Variants in LAMP3 observed in about 807,000 individuals in gnomAD.
LAMP3 encodes lysosome associated membrane protein 3.
Under a neutral mutation model 34.8 loss-of-function variants are expected in LAMP3, and 26 were observed. That is an observed-to-expected ratio of 0.75 (90% CI 0.55 to 1.04). The LOEUF (loss-of-function observed/expected upper bound fraction) is 1.04, where lower values mean the gene tolerates loss of function less well. Among genes scored for constraint, LAMP3 ranks in the 50% least tolerant of loss-of-function variants. LAMP3 has a pLI of 0.00. For synonymous variants in LAMP3, 180 were observed against 201.9 expected, an observed-to-expected ratio of 0.89 and a Z score of 0.92; for missense variants, 495 against 524.0, an observed-to-expected ratio of 0.94 and a Z score of 0.54.
At chr3:183,131,099 T>C (rs1207466381) in intron 5 of LAMP3, among the ~76,000 whole-genome samples, 1 of 152,210 alleles carries the variant, frequency 6.6e-6, no homozygotes, top group Non-Finnish European at 1.5e-5. Context: ...AAATTAATTC[T>C]AAAAATAATC....
chr3:183,123,232 A>G lies in LAMP3; in HGVS notation c.*849T>C, dbSNP rs1003177616. On this transcript the variant is annotated 3_prime_UTR_variant, in exon 6 of 6. Coordinates refer to ENST00000265598, the MANE Select transcript of LAMP3 (RefSeq NM_014398.4). ...GGTTTTACATAAAAACACTTAGACA[A>G]CCTGAGATATGTTGTTCTTTTTGAT... 16 of 152,100 alleles carry G rather than the reference A, an allele frequency of 1.1e-4. No individual in the cohort carries two copies. Among genetic ancestry groups the G allele is most frequent in the African/African-American group, 3.9e-4 (16 of 41,412 alleles). 9.4% of individuals were successfully genotyped at this position (152,100 alleles called of 1,614,324 possible). A position where few individuals can be genotyped will look rare whatever the true frequency, so the allele number is the denominator to read the frequency against.
intron 1 of LAMP3, among the ~76,000 whole-genome samples, chr3:183,155,523 T>C (rs1376909936): frequency 6.6e-6 from 1 of 152,234 alleles, no homozygotes; most frequent in African/African-American, 2.4e-5. Context: ...CCTCCTTATA[T>C]AAAATAGTTC....
At chr3:183,130,283 C>G (rs918524429) in intron 5 of LAMP3, among the ~76,000 whole-genome samples, 7 of 151,434 alleles carry the variant, frequency 4.6e-5, no homozygotes, top group Admixed American at 4.0e-4. Flanking sequence ...CTCAGCCTCC[C>G]GAGTAGCTGG....
In LAMP3 at chr3:183,144,317, C is replaced by G. The variant is rs939627612; in HGVS notation, c.889-3722G>C. Among the ~76,000 whole-genome samples, 37 of 152,196 alleles carry G rather than the reference C, an allele frequency of 2.4e-4. 1 individual carries two copies. Among genetic ancestry groups the G allele is most frequent in the African/African-American group, 8.4e-4 (35 of 41,510 alleles). ...GTCGGGGTGAGCACTAGAGAAGAGA[C>G]GTGAAGGAGCCATAGACTTTGCCTT... On this transcript the variant is annotated intron_variant, in intron 3 of 5. Transcript: ENST00000265598.
At chr3:183,146,181 T>G (rs181082103) in intron 3 of LAMP3, among the ~76,000 whole-genome samples, 1 of 152,338 alleles carries the variant, frequency 6.6e-6, no homozygotes, top group East Asian at 1.9e-4. Flanking sequence ...CATTTTGAGT[T>G]GTCAGACTGG....
intron 3 of LAMP3, among the ~76,000 whole-genome samples, chr3:183,147,252 A>C (rs201135745): frequency 9.0e-4 from 3 of 3,334 alleles, no homozygotes; most frequent in Non-Finnish European, 2.8e-3. Context: ...AAAAACAAAG[A>C]AAAAAAAAAT....
Position 183,138,964 on chromosome 3 carries a change from A to G in LAMP3, c.946+1574T>C, listed in dbSNP as rs996065921. Among the ~76,000 whole-genome samples, 48 of 152,102 alleles carry G rather than the reference A, an allele frequency of 3.2e-4. 1 individual carries two copies. The highest frequency in any genetic ancestry group is 6.8e-4 in the Non-Finnish European group (46 of 68,018). On this transcript the variant is annotated intron_variant, in intron 4 of 5. Transcript: ENST00000265598. ...CTTCCCTAGGCCCAGATACCCCCAA[A>G]GAGCTGAATCTCTCTGCTCAAACTT... is the stretch of plus-strand genomic sequence containing the variant.
At chr3:183,138,291 C>T (rs995763388) in intron 4 of LAMP3, among the ~76,000 whole-genome samples, 1 of 152,164 alleles carries the variant, frequency 6.6e-6, no homozygotes, top group Non-Finnish European at 1.5e-5. Flanking sequence ...GTCAACTATG[C>T]TATCTTACTT....
chr3:183,127,326 G>T lies in LAMP3; in HGVS notation c.1118-3112C>A, dbSNP rs138882154. Among the ~76,000 whole-genome samples, 866 of 152,214 alleles carry T rather than the reference G, an allele frequency of 5.7e-3. 7 individuals carry two copies. Among genetic ancestry groups the T allele is most frequent in the Non-Finnish European group, 8.1e-3 (550 of 68,002 alleles). On this transcript the variant is annotated intron_variant, in intron 5 of 5. Coordinates refer to ENST00000265598, the MANE Select transcript of LAMP3 (RefSeq NM_014398.4). Reference sequence around the variant, plus strand: ...TTTTTAACTTTTTTGAAGAGATGGGGTCCTTACTATGTTGCTCAGGCTGGT... The same window carrying T: ...TTTTTAACTTTTTTGAAGAGATGGGTTCCTTACTATGTTGCTCAGGCTGGT...
intron 3 of LAMP3, among the ~76,000 whole-genome samples, chr3:183,144,191 C>T (rs1412975453): frequency 6.6e-6 from 1 of 152,176 alleles, no homozygotes; most frequent in Non-Finnish European, 1.5e-5. Context: ...CTGTGATCTA[C>T]TTTTTGGCAC....
At chr3:183,156,076 T>A (rs73886251) in intron 1 of LAMP3, among the ~76,000 whole-genome samples, 11,332 of 152,154 alleles carry the variant, frequency 0.074, 620 homozygotes, top group African/African-American at 0.15. Context: ...ACACAGATGT[T>A]GGGCCGGGCG....
chr3:183,140,729 A>G, intron 3 of LAMP3, 134 bp from the exon 4 acceptor site: 1 of 556,600 alleles, frequency 1.8e-6, no homozygotes, highest in Non-Finnish European at 3.2e-6. Context: ...GTACTGGGTC[A>G]TAATTGTGTA....
chr3:183,138,072 C>T (rs1418608543), intron 4 of LAMP3, among the ~76,000 whole-genome samples: 1 of 152,104 alleles, frequency 6.6e-6, no homozygotes, highest in East Asian at 1.9e-4. Flanking sequence ...ATCTGCCCAC[C>T]TCAGCCTCCC....
rs1721016821 is a variant in LAMP3, at chr3:183,162,721, A to G, written c.-66T>C. 1 of 1,400,174 alleles carries G rather than the reference A, an allele frequency of 7.1e-7. No homozygotes were observed. Among genetic ancestry groups the G allele is most frequent in the Admixed American group, 2.7e-5 (1 of 37,692 alleles). The allele number at this position is 1,400,174 out of a possible 1,614,324, so 86.7% of individuals were successfully genotyped here. On this transcript the variant is annotated 5_prime_UTR_variant, in exon 1 of 6. Transcript: ENST00000265598. ...CGGGCAGGCCCCGAATCGGTGCCAG[A>G]GAAACCTACCTGTGCCGGAGAAACG...
intron 3 of LAMP3, among the ~76,000 whole-genome samples, chr3:183,147,251 G>GA (rs57044548): frequency 6.6e-6 from 1 of 151,064 alleles, no homozygotes; most frequent in Admixed American, 6.6e-5. Flanking sequence ...TAAAAACAAA[G>GA]AAAAAAAAAA....
intron 5 of LAMP3, among the ~76,000 whole-genome samples, chr3:183,129,393 T>G (rs1281594425): frequency 6.6e-6 from 1 of 152,190 alleles, no homozygotes; most frequent in East Asian, 1.9e-4. Flanking sequence ...TTGAGGTCTA[T>G]ACGTCAGAGG....
At chr3:183,126,345 A>C (rs1356192813) in intron 5 of LAMP3, among the ~76,000 whole-genome samples, 2 of 152,206 alleles carry the variant, frequency 1.3e-5, no homozygotes, top group East Asian at 3.8e-4. Context: ...AACTGGCAGG[A>C]GGACTGGGAA....
Position 183,124,000 on chromosome 3 carries a change from G to A in LAMP3, c.*81C>T. 1 of 1,512,236 alleles carries A rather than the reference G, an allele frequency of 6.6e-7. No individual in the cohort carries two copies. The highest frequency in any genetic ancestry group is 9.2e-7 in the Non-Finnish European group (1 of 1,091,720). The allele number at this position is 1,512,236 out of a possible 1,614,324, so 93.7% of individuals were successfully genotyped here. A position where few individuals can be genotyped will look rare whatever the true frequency, so the allele number is the denominator to read the frequency against. On this transcript the variant is annotated 3_prime_UTR_variant, in exon 6 of 6. Coordinates refer to ENST00000265598, the MANE Select transcript of LAMP3 (RefSeq NM_014398.4). Reference sequence around the variant, plus strand: ...ACATTGTTTGAAGGACCCACACTCTGAGGGAATTTCCCAACATCCATCCTG... The same window carrying A: ...ACATTGTTTGAAGGACCCACACTCTAAGGGAATTTCCCAACATCCATCCTG...
Position 183,154,115 on chromosome 3 carries a change from G to A in LAMP3, c.326C>T (p.Ala109Val). ...AGCTGTGTGTGAGTTGTTGGGTGTGGCCTGGGTTGTGACCAGGGTGTAGGT... is the reference window on the plus strand; with the variant it reads ...AGCTGTGTGTGAGTTGTTGGGTGTGACCTGGGTTGTGACCAGGGTGTAGGT... Reference protein sequence around the residue: ...PITYTLVTTQATPNNSHTAPP... With the variant: ...PITYTLVTTQVTPNNSHTAPP... Residue 109 changes from alanine to valine, a missense_variant, in exon 2 of 6, where the codon GCC (alanine) becomes GTC (valine). By Grantham distance (64) the Ala-to-Val change is moderately conservative. Coordinates refer to ENST00000265598, the MANE Select transcript of LAMP3 (RefSeq NM_014398.4). 1 of 1,614,158 alleles carries A rather than the reference G, an allele frequency of 6.2e-7. No individual in the cohort carries two copies. The highest frequency in any genetic ancestry group is 1.3e-5 in the African/African-American group (1 of 75,042).
Sources: gnomAD v4.1 joint callset for allele counts (sites outside exome capture counted in the v4.1 genomes callset) on GRCh38, gnomAD v4.1.1 for gene constraint, MANE v1.5 for transcripts, NCBI Gene and HGNC (gene_info 2026-07-23, HGNC 2026-07-21) for gene names.